The following FHIT variants were observed in gnomAD, a reference collection of about 807,000 sequenced individuals.
FHIT encodes the protein fragile histidine triad diadenosine triphosphatase.
Under a neutral mutation model 17.9 loss-of-function variants are expected in FHIT, and 19 were observed. That is an observed-to-expected ratio of 1.06 (90% CI 0.74 to 1.56). The LOEUF (loss-of-function observed/expected upper bound fraction) is 1.56. FHIT is among the 40% of genes most tolerant of loss of function. The pLI, the probability that FHIT is intolerant of heterozygous loss-of-function variation, is 0.00. For missense variants in FHIT, 248 were observed against 189.2 expected (o/e 1.31, Z -1.82); for synonymous variants, 81 against 69.7 (o/e 1.16, Z -0.81).
Position 61,082,926 on chromosome 3 carries a change from G to A in FHIT, c.-163-40827C>T, listed in dbSNP as rs139811913. On this transcript the variant is annotated intron_variant, in intron 2 of 9. Coordinates refer to ENST00000492590, the MANE Select transcript of FHIT (RefSeq NM_002012.4). ...CATCCCTACTTAGCTCCCAAGATCA[G>A]ACAAGATTGGATGCATTCAGGGTGG... is the stretch of plus-strand genomic sequence containing the variant. Among the ~76,000 whole-genome samples, 275 of 152,198 alleles carry A rather than the reference G, an allele frequency of 1.8e-3. 4 individuals carry two copies. Among genetic ancestry groups the A allele is most frequent in the African/African-American group, 6.3e-3 (260 of 41,518 alleles).
At chr3:60,945,912 T>C (rs1189801200) in intron 3 of FHIT, among the ~76,000 whole-genome samples, 1 of 152,118 alleles carries the variant, frequency 6.6e-6, no homozygotes, top group African/African-American at 2.4e-5. Flanking sequence ...CAATGCAGGA[T>C]CACCGTGTAG....
At chr3:60,366,028 T>G (rs1700093265) in intron 5 of FHIT, among the ~76,000 whole-genome samples, 2 of 152,200 alleles carry the variant, frequency 1.3e-5, no homozygotes, top group African/African-American at 4.8e-5. Flanking sequence ...TGCCTGACTA[T>G]AATAATATGG....
At chr3:59,814,431 T>C (rs1700523279) in intron 8 of FHIT, among the ~76,000 whole-genome samples, 1 of 152,204 alleles carries the variant, frequency 6.6e-6, no homozygotes, top group South Asian at 2.1e-4. Context: ...GCTGCTGACA[T>C]TTTACAAAAT....
At chr3:60,315,857 G>A (rs542070415) in intron 5 of FHIT, among the ~76,000 whole-genome samples, 1 of 152,298 alleles carries the variant, frequency 6.6e-6, no homozygotes, top group East Asian at 1.9e-4. Flanking sequence ...ATTTGGTAAA[G>A]TATTAGTTCA....
intron 5 of FHIT, among the ~76,000 whole-genome samples, chr3:60,364,782 C>T (rs1011958851): frequency 6.6e-6 from 1 of 152,070 alleles, no homozygotes; most frequent in Non-Finnish European, 1.5e-5. Flanking sequence ...TATGGATGGG[C>T]ATCATTTAAT....
intron 5 of FHIT, among the ~76,000 whole-genome samples, chr3:60,223,311 T>C (rs756108480): frequency 2.0e-5 from 3 of 152,158 alleles, no homozygotes; most frequent in Non-Finnish European, 2.9e-5. Context: ...CTTAAGTCAA[T>C]AGGACAAGGT....
intron 5 of FHIT, among the ~76,000 whole-genome samples, chr3:60,308,596 T>C (rs2106745521): frequency 6.6e-6 from 1 of 151,658 alleles, no homozygotes; most frequent in African/African-American, 2.4e-5. Flanking sequence ...ATTAGTGAGC[T>C]GAACAAAATC....
chr3:61,143,754 T>A (rs777563765), intron 2 of FHIT, among the ~76,000 whole-genome samples: 1 of 152,092 alleles, frequency 6.6e-6, no homozygotes, highest in Non-Finnish European at 1.5e-5. Flanking sequence ...TAGTCCCAAC[T>A]ACTCGGGAGA....
At chr3:60,689,206 T>C (rs1221352534) in intron 4 of FHIT, among the ~76,000 whole-genome samples, 1 of 151,806 alleles carries the variant, frequency 6.6e-6, no homozygotes, top group African/African-American at 2.4e-5. Context: ...CCTTCTGCCA[T>C]GATTGTGAGG....
chr3:60,391,200 AAAACAAAC>A (rs761527122), intron 5 of FHIT, among the ~76,000 whole-genome samples: 1 of 30,662 alleles, frequency 3.3e-5, no homozygotes, highest in Non-Finnish European at 1.1e-4. Flanking sequence ...AACAAAACAA[AAAACAAAC>A]AAACAAACAA....
At chr3:60,427,898 T>C (rs1018789057) in intron 5 of FHIT, among the ~76,000 whole-genome samples, 4 of 152,262 alleles carry the variant, frequency 2.6e-5, no homozygotes, top group African/African-American at 9.6e-5. Flanking sequence ...GTCCTGTTAA[T>C]GTCTTCTCCA....
intron 4 of FHIT, among the ~76,000 whole-genome samples, chr3:60,560,102 A>G (rs2036883952): frequency 6.6e-6 from 1 of 152,038 alleles, no homozygotes; most frequent in Admixed American, 6.6e-5. Context: ...CACAGTTTCT[A>G]AGTACACAAA....
intron 8 of FHIT, among the ~76,000 whole-genome samples, chr3:59,792,154 A>C (rs928368211): frequency 6.6e-6 from 1 of 152,184 alleles, no homozygotes; most frequent in Admixed American, 6.6e-5. Context: ...TAAATTGTTC[A>C]TAAGTCCCTT....
At chr3:60,606,376 G>A (rs1482045016) in intron 4 of FHIT, among the ~76,000 whole-genome samples, 2 of 151,890 alleles carry the variant, frequency 1.3e-5, no homozygotes, top group Non-Finnish European at 2.9e-5. Flanking sequence ...AAGTAGCTGG[G>A]ACTACAGATG....
chr3:59,796,474 C>T lies in FHIT; in HGVS notation c.349-44153G>A, dbSNP rs1699784000. ...CCTCGAATGTCAGTCTTCAAAGAGG[C>T]CTTCCTTGTGACTCCATAAACCACT... On this transcript the variant is annotated intron_variant, in intron 8 of 9. Coordinates refer to ENST00000492590, the MANE Select transcript of FHIT (RefSeq NM_002012.4). 2.6e-5 allele frequency among the ~76,000 whole-genome samples: 4 copies of T among 152,302 alleles called. No individual in the cohort carries two copies. In the East Asian group the frequency reaches 7.7e-4, roughly 29 times the overall value.
chr3:60,192,570 G>C (rs1293036910), intron 5 of FHIT, among the ~76,000 whole-genome samples: 1 of 152,202 alleles, frequency 6.6e-6, no homozygotes, highest in East Asian at 1.9e-4. Flanking sequence ...ATTGAGTTGA[G>C]CCATGCTCTC....
intron 5 of FHIT, among the ~76,000 whole-genome samples, chr3:60,334,021 G>C (rs530289351): frequency 1.3e-5 from 2 of 152,202 alleles, no homozygotes; most frequent in South Asian, 4.2e-4. Context: ...AGAGAGATGG[G>C]TTTGACACTG....
intron 5 of FHIT, among the ~76,000 whole-genome samples, chr3:60,055,448 CTT>C (rs4024133): frequency 5.6e-5 from 8 of 143,126 alleles, no homozygotes; most frequent in South Asian, 2.3e-4. Flanking sequence ...GATGGACTTT[CTT>C]TTTTTTTTTT....
At chr3:60,864,886 A>G (rs1704088890) in intron 3 of FHIT, among the ~76,000 whole-genome samples, 1 of 152,080 alleles carries the variant, frequency 6.6e-6, no homozygotes, top group African/African-American at 2.4e-5. Flanking sequence ...GATTCGATTA[A>G]CTCTATGGAA....
Sources: gnomAD v4.1 joint callset for allele counts (sites outside exome capture counted in the v4.1 genomes callset) on GRCh38, gnomAD v4.1.1 for gene constraint, MANE v1.5 for transcripts, NCBI Gene and HGNC (gene_info 2026-07-23, HGNC 2026-07-21) for gene names.